The following LIMK1 variants were observed in gnomAD, a reference collection of about 807,000 sequenced individuals.
LIMK1 encodes the protein LIM domain kinase 1.
In LIMK1, 21 loss-of-function variants were observed where a neutral mutation model predicts 77.6. That is an observed-to-expected ratio of 0.27 (90% CI 0.19 to 0.39). The LOEUF is 0.39. LIMK1 is among the 10% of genes least tolerant of loss of function. LIMK1 has a pLI of 1.00. For synonymous variants in LIMK1, 358 were observed against 370.0 expected (o/e 0.97, Z 0.37); for missense variants, 696 against 901.6 (o/e 0.77, Z 2.92).
intron 2 of LIMK1, chr7:74,093,280 C>A (rs1163322513): frequency 6.5e-7 from 1 of 1,535,902 alleles, no homozygotes; most frequent in African/African-American, 1.4e-5. Context: ...AAGAAGACGC[C>A]GCTTCCTCCA....
At position 74,121,316 on chromosome 7, in the gene LIMK1, G is replaced by A. The variant is rs782206673; in HGVS notation, c.*15G>A. ...TCCCCGACTGAGCCAGGGCCACTCA[G>A]CTGCCCCTGTCCCCACCTCTGGAGA... On this transcript the variant is annotated 3_prime_UTR_variant, in exon 16 of 16. Coordinates refer to ENST00000336180, the MANE Select transcript of LIMK1 (RefSeq NM_002314.4). The A allele has an allele frequency of 1.9e-5, 29 of 1,567,032 alleles. No homozygotes were observed. In the South Asian group the frequency reaches 3.1e-4, roughly 17 times the overall value.
At chr7:74,096,042 G>A (rs1344451513) in intron 2 of LIMK1, among the ~76,000 whole-genome samples, 1 of 144,746 alleles carries the variant, frequency 6.9e-6, no homozygotes, top group Non-Finnish European at 1.5e-5. Flanking sequence ...TTGGCTCACT[G>A]CAACCTCTGC....
intron 13 of LIMK1, among the ~76,000 whole-genome samples, chr7:74,117,883 G>T (rs1160353265): frequency 6.6e-6 from 1 of 152,042 alleles, no homozygotes; most frequent in South Asian, 2.1e-4. Context: ...TGAAGCAGGC[G>T]GATTGCTTGA....
intron 12 of LIMK1, among the ~76,000 whole-genome samples, chr7:74,114,721 C>T (rs1799772330): frequency 6.6e-6 from 1 of 150,886 alleles, no homozygotes; most frequent in African/African-American, 2.4e-5. Flanking sequence ...CGAGACCATC[C>T]TGGCTAACAC....
rs146926126 is a variant in LIMK1, at chr7:74,085,753, G to A, written c.61G>A (p.Glu21Lys). Reference protein sequence around the residue: ...REERMGEEGSELPVCASCGQR... With the variant: ...REERMGEEGSKLPVCASCGQR... The stretch of plus-strand genomic sequence containing the variant: ...ACTCCCTTCCCACCCTGCAGGAAGC[G>A]AGTTGCCCGTGTGTGCAAGCTGCGG... The change falls in exon 2 of 16, where the codon GAG becomes AAG. Residue 21 changes from glutamate (E) to lysine (K), a missense_variant. By Grantham distance (56) the Glu-to-Lys change is moderately conservative (BLOSUM62 1). Coordinates refer to ENST00000336180, the MANE Select transcript of LIMK1 (RefSeq NM_002314.4). The A allele has an allele frequency of 9.4e-5, 147 of 1,556,342 alleles. No individual in the cohort carries two copies. Among genetic ancestry groups the A allele is most frequent in the East Asian group, 3.4e-4 (14 of 41,478 alleles).
intron 12 of LIMK1, 104 bp from the exon 13 acceptor site, chr7:74,115,698 G>T: frequency 7.8e-7 from 1 of 1,285,596 alleles, no homozygotes; most frequent in Non-Finnish European, 1.1e-6. Context: ...TCAGAGGTAT[G>T]TTCTCTGGGC....
chr7:74,099,973 A>T (rs1217928447), intron 5 of LIMK1, among the ~76,000 whole-genome samples: 1 of 151,764 alleles, frequency 6.6e-6, no homozygotes, highest in Non-Finnish European at 1.5e-5. Context: ...AAAAAAAAAA[A>T]TTAAAAATTA....
intron 12 of LIMK1, among the ~76,000 whole-genome samples, chr7:74,112,418 G>A (rs1361224791): frequency 6.6e-6 from 1 of 152,154 alleles, no homozygotes; most frequent in African/African-American, 2.4e-5. Context: ...GTCAGGGCAG[G>A]CTTCCTGAAA....
At chr7:74,119,899 C>T (rs868909618) in intron 13 of LIMK1, among the ~76,000 whole-genome samples, 1 of 152,160 alleles carries the variant, frequency 6.6e-6, no homozygotes, top group East Asian at 1.9e-4. Flanking sequence ...CAAAGCAAGA[C>T]TCCATCTCAA....
In LIMK1 at chr7:74,085,736, C is replaced by G; in HGVS notation, c.56-12C>G. ...CCTGAGAATGCTTCCCAACTCCCTT[C>G]CCACCCTGCAGGAAGCGAGTTGCCC... On this transcript the variant is annotated splice_polypyrimidine_tract_variant and intron_variant, in intron 1 of 15. Coordinates refer to ENST00000336180, the MANE Select transcript of LIMK1 (RefSeq NM_002314.4). 1 of 1,550,736 alleles carries G rather than the reference C, an allele frequency of 6.4e-7. No individual in the cohort carries two copies.
At chr7:74,091,220 G>A (rs1184229708) in intron 2 of LIMK1, among the ~76,000 whole-genome samples, 4 of 150,724 alleles carry the variant, frequency 2.7e-5, no homozygotes, top group African/African-American at 4.9e-5. Context: ...CACCGTGCCC[G>A]GCAATATTAA....
chr7:74,109,075 C>T, intron 10 of LIMK1, 39 bp downstream of exon 10: 6 of 1,527,362 alleles, frequency 3.9e-6, no homozygotes, highest in Non-Finnish European at 5.4e-6. Context: ...CGCTGTGCGG[C>T]CCCGGGCAAA....
intron 2 of LIMK1, chr7:74,094,421 T>G (rs1432575662): frequency 6.6e-6 from 1 of 152,210 alleles, no homozygotes; most frequent in African/African-American, 2.4e-5. Context: ...TGGGGACACT[T>G]GGTTACAGCA....
At chr7:74,114,505 C>G (rs1174980343) in intron 12 of LIMK1, among the ~76,000 whole-genome samples, 1 of 148,226 alleles carries the variant, frequency 6.7e-6, no homozygotes, top group Non-Finnish European at 1.5e-5. Context: ...GAGCTGTGTT[C>G]GTGCCACTGC....
chr7:74,094,981 CCAGA>C (rs1799311826), intron 2 of LIMK1, among the ~76,000 whole-genome samples: 1 of 152,184 alleles, frequency 6.6e-6, no homozygotes, highest in African/African-American at 2.4e-5. Context: ...CCCTAGGCTC[CCAGA>C]CAAAGGGGAA....
At chr7:74,089,212 C>G (rs551966811) in intron 2 of LIMK1, among the ~76,000 whole-genome samples, 1 of 152,280 alleles carries the variant, frequency 6.6e-6, no homozygotes, top group East Asian at 1.9e-4. Context: ...CACATCGCCA[C>G]AGAGTAGGAA....
In LIMK1 at chr7:74,103,777, C is replaced by T. The variant is rs982441951; in HGVS notation, c.609-2098C>T. Among the ~76,000 whole-genome samples, 10 of 151,978 alleles carry T rather than the reference C, an allele frequency of 6.6e-5. 1 individual carries two copies. The South Asian group carries it at 1.2e-3, about 19-fold the overall frequency. ...TGTAAGGAAGAGCTTCTCCCCCATA[C>T]GAGAATAGTCTTTTTGTTTGCTTGG... is the stretch of plus-strand genomic sequence containing the variant. On this transcript the variant is annotated intron_variant, in intron 5 of 15. Coordinates refer to ENST00000336180, the MANE Select transcript of LIMK1 (RefSeq NM_002314.4).
chr7:74,115,490 G>A, intron 12 of LIMK1: 1 of 331,270 alleles, frequency 3.0e-6, no homozygotes, highest in Non-Finnish European at 5.6e-6. Flanking sequence ...CCGCAGGTGG[G>A]AGGGAGCGCT....
At chr7:74,085,629 A>G (rs1308381466) in intron 1 of LIMK1, 119 bp from the exon 2 acceptor site, 2 of 800,716 alleles carry the variant, frequency 2.5e-6, no homozygotes, top group African/African-American at 1.7e-5. Flanking sequence ...GGCGCTGCAC[A>G]TGTGCAGTGT....
Sources: allele counts gnomAD v4.1 joint callset (sites outside exome capture counted in the v4.1 genomes callset), GRCh38; gene constraint gnomAD v4.1.1; transcripts MANE v1.5; gene names NCBI Gene and HGNC (gene_info 2026-07-23, HGNC 2026-07-21).